Variants in PHF20 observed in about 807,000 individuals in gnomAD.
PHF20 encodes PHD finger protein 20, also known as glioma-expressed antigen 2.
In PHF20, 23 loss-of-function variants were observed where a neutral mutation model predicts 113.5. The observed-to-expected ratio is 0.20, with a 90% CI of 0.15 to 0.29. The LOEUF is 0.29. Among genes scored for constraint, PHF20 ranks in the 10% least tolerant of loss-of-function variants. The pLI, the probability that PHF20 is intolerant of heterozygous loss-of-function variation, is 1.00. For missense variants in PHF20, 943 were observed against 1,219.6 expected (o/e 0.77, Z 3.38); for synonymous variants, 434 against 457.3 (o/e 0.95, Z 0.65).
chr20:35,884,352 A>G (rs1319861320), intron 9 of PHF20, among the ~76,000 whole-genome samples: 15 of 152,174 alleles, frequency 9.9e-5, no homozygotes, highest in Non-Finnish European at 2.1e-4. Context: ...CATGGGCAGC[A>G]GGAGGAGGAG....
intron 2 of PHF20, among the ~76,000 whole-genome samples, chr20:35,842,117 G>C (rs768614411): frequency 6.6e-6 from 1 of 152,056 alleles, no homozygotes; most frequent in East Asian, 1.9e-4. Context: ...AGGTTGAGGC[G>C]GGCAGATCAC....
intron 10 of PHF20, among the ~76,000 whole-genome samples, chr20:35,905,597 G>A (rs774742079): frequency 2.0e-4 from 31 of 152,176 alleles, no homozygotes; most frequent in Non-Finnish European, 3.8e-4. Flanking sequence ...TGATCTTGTA[G>A]TTTCCAACCT....
At chr20:35,815,407 G>A (rs994032198) in intron 2 of PHF20, among the ~76,000 whole-genome samples, 6 of 151,984 alleles carry the variant, frequency 3.9e-5, no homozygotes, top group African/African-American at 1.2e-4. Context: ...ACGAATCCAT[G>A]TCTCTACTTA....
intron 9 of PHF20, among the ~76,000 whole-genome samples, chr20:35,897,226 G>A (rs2147052237): frequency 6.6e-6 from 1 of 151,906 alleles, no homozygotes; most frequent in Admixed American, 6.6e-5. Flanking sequence ...TTTTTGTAGA[G>A]ATGGGGTCTT....
chr20:35,901,502 C>T (rs548179098), intron 10 of PHF20, among the ~76,000 whole-genome samples: 1 of 151,404 alleles, frequency 6.6e-6, no homozygotes, highest in Admixed American at 6.6e-5. Flanking sequence ...AGAGAGATAC[C>T]AAGATAAAGG....
chr20:35,775,348 TA>T (rs1223171208), intron 1 of PHF20, among the ~76,000 whole-genome samples: 5 of 152,210 alleles, frequency 3.3e-5, no homozygotes, highest in African/African-American at 9.6e-5. Context: ...GTTAGCCTTA[TA>T]TTTTTTTATT....
intron 15 of PHF20, among the ~76,000 whole-genome samples, chr20:35,935,122 G>A (rs1015248027): frequency 6.6e-6 from 1 of 152,012 alleles, no homozygotes; most frequent in Admixed American, 6.6e-5. Context: ...TGGGGTTATA[G>A]GTGTAAGCCA....
intron 15 of PHF20, among the ~76,000 whole-genome samples, chr20:35,936,709 C>A (rs572813227): frequency 6.6e-6 from 1 of 152,098 alleles, no homozygotes; most frequent in Non-Finnish European, 1.5e-5. Context: ...GTAATCATTG[C>A]ATTTTTGTAA....
chr20:35,843,803 T>C (rs1198851940), intron 3 of PHF20, among the ~76,000 whole-genome samples: 1 of 152,078 alleles, frequency 6.6e-6, no homozygotes, highest in African/African-American at 2.4e-5. Context: ...GGTCTTGAAC[T>C]CCGGGCTCAA....
At position 35,814,900 on chromosome 20, in the gene PHF20, T is replaced by A. The variant is rs866066457; in HGVS notation, c.83+13295T>A. 4.8e-3 allele frequency among the ~76,000 whole-genome samples: 649 copies of A among 134,908 alleles called. 6 individuals carry two copies. Among genetic ancestry groups the A allele is most frequent in the Middle Eastern group, 8.7e-3 (2 of 230 alleles). 88.5% of individuals were successfully genotyped at this position (134,908 alleles called of 152,430 possible). ...AAAAAAAAAAAAAAAATAAAATAAA[T>A]AAATAAATAAATAGGCCATGCATAG... On this transcript the variant is annotated intron_variant, in intron 2 of 17. Coordinates refer to ENST00000374012, the MANE Select transcript of PHF20 (RefSeq NM_016436.5).
chr20:35,892,954 T>C (rs561064221), intron 9 of PHF20, among the ~76,000 whole-genome samples: 1 of 152,374 alleles, frequency 6.6e-6, no homozygotes, highest in Admixed American at 6.5e-5. Flanking sequence ...CAGAAACTAC[T>C]TTGTCTTAGT....
intron 15 of PHF20, among the ~76,000 whole-genome samples, chr20:35,937,598 C>T (rs2055889954): frequency 6.6e-6 from 1 of 152,088 alleles, no homozygotes; most frequent in South Asian, 2.1e-4. Context: ...GTAAATGTTT[C>T]TTATCAGACC....
intron 13 of PHF20, among the ~76,000 whole-genome samples, chr20:35,918,246 G>T (rs555654268): frequency 6.6e-6 from 1 of 151,188 alleles, no homozygotes; most frequent in Non-Finnish European, 1.5e-5. Context: ...GAGAGGTGGC[G>T]CTGGCTGGCT....
intron 9 of PHF20, among the ~76,000 whole-genome samples, chr20:35,874,214 G>A (rs1338171677): frequency 6.6e-6 from 1 of 152,168 alleles, no homozygotes; most frequent in Non-Finnish European, 1.5e-5. Context: ...GACGTCAAGT[G>A]ATCTACCCGC....
chr20:35,859,970 A>T lies in PHF20; in HGVS notation c.420+1589A>T, dbSNP rs576345770. 3.9e-5 allele frequency among the ~76,000 whole-genome samples: 6 copies of T among 152,160 alleles called. No homozygotes were observed. The South Asian group carries it at 1.2e-3, about 32-fold the overall frequency. ...GAGTCTCTGTCTGTCACCCAGACTG[A>T]AGTGCAGTGGCCCAATCTCTGCTCA... On this transcript the variant is annotated intron_variant, in intron 5 of 17. Coordinates refer to ENST00000374012, the MANE Select transcript of PHF20 (RefSeq NM_016436.5).
At chr20:35,856,810 G>C (rs892899427) in intron 4 of PHF20, among the ~76,000 whole-genome samples, 1 of 152,274 alleles carries the variant, frequency 6.6e-6, no homozygotes, top group Non-Finnish European at 1.5e-5. Flanking sequence ...TGTGGAGTTA[G>C]AAGTGTCGCT....
In PHF20 at chr20:35,865,861, C is replaced by T. The variant is rs1410305568; in HGVS notation, c.808+2461C>T. 3.9e-5 allele frequency among the ~76,000 whole-genome samples: 6 copies of T among 152,026 alleles called. No individual in the cohort carries two copies. In the East Asian group the frequency reaches 1.2e-3, roughly 29 times the overall value. Reference sequence around the variant, plus strand: ...ATTCAAAATTGGCCAGGCGTGGTGGCTCAGGAATTTGAGACCAGGCTGGCC... The same window carrying T: ...ATTCAAAATTGGCCAGGCGTGGTGGTTCAGGAATTTGAGACCAGGCTGGCC... On this transcript the variant is annotated intron_variant, in intron 6 of 17. Coordinates refer to ENST00000374012, the MANE Select transcript of PHF20 (RefSeq NM_016436.5).
intron 2 of PHF20, among the ~76,000 whole-genome samples, chr20:35,828,338 T>C (rs776592162): frequency 6.6e-6 from 1 of 152,114 alleles, no homozygotes; most frequent in Non-Finnish European, 1.5e-5. Context: ...TAATTACTAA[T>C]AGCCATGTGG....
chr20:35,912,773 A>G (rs914330912), intron 10 of PHF20, among the ~76,000 whole-genome samples: 2 of 152,194 alleles, frequency 1.3e-5, no homozygotes, highest in Non-Finnish European at 2.9e-5. Flanking sequence ...CGGAGGTTGC[A>G]GTGAGCTGAG....
Sources: gnomAD v4.1 joint callset for allele counts (sites outside exome capture counted in the v4.1 genomes callset) on GRCh38, gnomAD v4.1.1 for gene constraint, MANE v1.5 for transcripts, NCBI Gene and HGNC (gene_info 2026-07-23, HGNC 2026-07-21) for gene names.